The following SNAPC2 variants were observed in gnomAD, a reference collection of about 807,000 sequenced individuals.
The protein encoded by SNAPC2 is small nuclear RNA activating complex polypeptide 2.
A neutral mutation model predicts 22.9 loss-of-function variants in SNAPC2; 27 were observed. That is an observed-to-expected ratio of 1.18 (90% confidence interval 0.87 to 1.63). SNAPC2 has a LOEUF of 1.63. Among genes scored for constraint, SNAPC2 ranks in the 40% most tolerant of loss-of-function variants. SNAPC2 has a pLI of 0.00. For missense variants in SNAPC2, 570 were observed against 449.1 expected (o/e 1.27, Z -2.43); for synonymous variants, 272 against 201.0 (o/e 1.35, Z -2.99).
At chr19:7,921,239 A>G (rs904229163) in intron 1 of SNAPC2, 184 bp from the exon 2 acceptor site, 1 of 1,405,218 alleles carries the variant, frequency 7.1e-7, no homozygotes, top group Non-Finnish European at 9.4e-7. Context: ...CAACTTCCTT[A>G]GGTAGCTGGT....
At chr19:7,921,902 G>T (rs1021075533) in intron 3 of SNAPC2, 129 bp downstream of exon 3, 8 of 1,355,100 alleles carry the variant, frequency 5.9e-6, no homozygotes, top group African/African-American at 5.7e-5. Context: ...GACACCTCGA[G>T]CCTCAGTGTC....
intron 1 of SNAPC2, chr19:7,920,779 A>G (rs1302452056): frequency 2.9e-5 from 4 of 135,798 alleles, no homozygotes; most frequent in African/African-American, 4.9e-5. Flanking sequence ...TGGGAGCTAG[A>G]CGTGGGCGGG....
Position 7,922,100 on chromosome 19 carries a change from G to C in SNAPC2, c.438G>C (p.Gln146His). Reference sequence around the variant, plus strand: ...ACTCCAAGCCCCCCAAGCCCACGCAGGCCCGTGGAAAGCCTTTGCTCCTGA... The same window carrying C: ...ACTCCAAGCCCCCCAAGCCCACGCACGCCCGTGGAAAGCCTTTGCTCCTGA... ...LLHSKPPKPT[Q>H]ARGKPLLLSA... The change falls in exon 4 of 5, where the codon CAG becomes CAC. Residue 146 changes from glutamine to histidine, a missense_variant. By Grantham distance (24) the Gln-to-His change is conservative. Transcript: ENST00000221573. 1 of 1,613,930 alleles carries C rather than the reference G, an allele frequency of 6.2e-7. No homozygotes were observed. The highest frequency in any genetic ancestry group is 8.5e-7 in the Non-Finnish European group (1 of 1,179,944).
At chr19:7,921,375 A>G in intron 1 of SNAPC2, 48 bp from the exon 2 acceptor site, 1 of 1,613,150 alleles carries the variant, frequency 6.2e-7, no homozygotes, top group South Asian at 1.1e-5. Context: ...TCTCTGCTGC[A>G]GCCCTGAGCT....
Position 7,922,429 on chromosome 19 carries a change from C to T in SNAPC2, c.686-16C>T. On this transcript the variant is annotated splice_polypyrimidine_tract_variant and intron_variant, in intron 4 of 4. Coordinates refer to ENST00000221573, the MANE Select transcript of SNAPC2 (RefSeq NM_003083.4). ...GCAGGGGTGTCCCCTTACCCCTCTC[C>T]TCCATCCATCACTAGAGTCCGCTGT... 1.9e-6 allele frequency: 3 copies of T among 1,581,760 alleles called. No individual in the cohort carries two copies. The highest frequency in any genetic ancestry group is 1.7e-4 in the Middle Eastern group (1 of 5,878).
intron 1 of SNAPC2, 74 bp downstream of exon 1, chr19:7,920,623 C>T: frequency 2.4e-6 from 1 of 417,522 alleles, no homozygotes; most frequent in Non-Finnish European, 3.4e-6. Context: ...GGCGGGGCTG[C>T]GGCAGGAGCC....
rs370414983 is a variant in SNAPC2 at position 7,922,804 on chromosome 19, C to T, written c.*40C>T. On this transcript the variant is annotated 3_prime_UTR_variant, in exon 5 of 5. Transcript: ENST00000221573. ...AGGAGGCCACACCAGGCCCCCCGCC[C>T]TGCCCCTCGGTTCTGCTCGGCTGGC... 44 of 1,468,542 alleles carry T rather than the reference C, an allele frequency of 3.0e-5. No individual in the cohort carries two copies. Among genetic ancestry groups the T allele is most frequent in the Non-Finnish European group, 4.0e-5 (43 of 1,087,376 alleles). 91.0% of individuals were successfully genotyped at this position (1,468,542 alleles called of 1,614,324 possible).
chr19:7,921,401 C>T (rs1568288694), intron 1 of SNAPC2, 22 bp from the exon 2 acceptor site: 1 of 1,613,732 alleles, frequency 6.2e-7, no homozygotes, highest in East Asian at 2.2e-5. Context: ...AAGCCTCATT[C>T]CGCCGCCTCT....
At chr19:7,920,769 T>G in intron 1 of SNAPC2, 3 of 88,256 alleles carry the variant, frequency 3.4e-5, no homozygotes, top group Admixed American at 2.8e-4. Flanking sequence ...GGGGCGAGCT[T>G]GGGAGCTAGA....
Position 7,922,304 on chromosome 19 carries a change from C to G in SNAPC2, c.642C>G (p.Ser214=). 1 of 1,613,880 alleles carries G rather than the reference C, an allele frequency of 6.2e-7. No homozygotes were observed. The highest frequency in any genetic ancestry group is 8.5e-7 in the Non-Finnish European group (1 of 1,179,978). The part of the protein sequence containing the change: ...VDFEKIYKYL[S]SVSRSGRSPE... Reference sequence around the variant, plus strand: ...TTGAGAAGATCTACAAGTACTTGTCCTCTGTCTCCCGAAGTGGCCGCAGCC... The same window carrying G: ...TTGAGAAGATCTACAAGTACTTGTCGTCTGTCTCCCGAAGTGGCCGCAGCC... Residue 214 remains serine (S), a synonymous_variant, in exon 4 of 5, where the codon TCC becomes TCG. Transcript: ENST00000221573.
rs61423237 is a variant in SNAPC2 at position 7,922,932 on chromosome 19, A to G, written c.*168A>G. ...GCCCCATACTTTGGGGGTCTCAGAA[A>G]TGGAACCCCCGTTGTACAGGGGTTG... On this transcript the variant is annotated 3_prime_UTR_variant, in exon 5 of 5. Transcript: ENST00000221573. 212 of 577,318 alleles carry G rather than the reference A, an allele frequency of 3.7e-4. No homozygotes were observed. Among genetic ancestry groups the G allele is most frequent in the African/African-American group, 2.8e-3 (151 of 53,134 alleles). The allele number at this position is 577,318 out of a possible 1,614,324, so 35.8% of individuals were successfully genotyped here.
Position 7,921,467 on chromosome 19 carries a change from G to T in SNAPC2, c.228G>T (p.Glu76Asp), listed in dbSNP as rs1983569268. 6.2e-7 allele frequency: 1 copy of T among 1,613,776 alleles called. No homozygotes were observed. The highest frequency in any genetic ancestry group is 1.3e-5 in the African/African-American group (1 of 74,914). The change falls in exon 2 of 5, where the codon GAG becomes GAT. Residue 76 changes from glutamate (E) to aspartate (D), a missense_variant. Physicochemically the swap from Glu to Asp is conservative, Grantham distance 45. Transcript: ENST00000221573. ...LQQLKGRVAR[E>D]AIQKVHPGGL... Reference sequence around the variant, plus strand: ...AGCTCAAGGGCCGCGTAGCCCGGGAGGCCATTCAGAAAGTGCATCCGGGTG... The same window carrying T: ...AGCTCAAGGGCCGCGTAGCCCGGGATGCCATTCAGAAAGTGCATCCGGGTG...
intron 1 of SNAPC2, 87 bp downstream of exon 1, chr19:7,920,636 C>T (rs1267567165): frequency 1.1e-4 from 24 of 221,894 alleles, no homozygotes; most frequent in Non-Finnish European, 1.3e-4. Flanking sequence ...CAGGAGCCAG[C>T]GGGGCGGGGC....
In SNAPC2 at chr19:7,922,786, CA is replaced by C. The variant is rs1983632244; in HGVS notation, c.*23del. 1 of 1,532,374 alleles carries C rather than the reference CA, an allele frequency of 6.5e-7. No individual in the cohort carries two copies. The highest frequency in any genetic ancestry group is 8.8e-7 in the Non-Finnish European group (1 of 1,133,338). 94.9% of individuals were successfully genotyped at this position (1,532,374 alleles called of 1,614,324 possible). ...GTGAGGGGCATGGCGGGCAGGAGGC[CA>C]CACCAGGCCCCCCGCCCTGCCCCTC... is the stretch of plus-strand genomic sequence containing the variant. On this transcript the variant is annotated 3_prime_UTR_variant, in exon 5 of 5. Coordinates refer to ENST00000221573, the MANE Select transcript of SNAPC2 (RefSeq NM_003083.4).
intron 1 of SNAPC2, 67 bp downstream of exon 1, chr19:7,920,616 G>C: frequency 1.6e-5 from 13 of 832,326 alleles, no homozygotes; most frequent in Non-Finnish European, 2.1e-5. Context: ...GAGAGTGGGC[G>C]GGGCTGCGGC....
chr19:7,922,470 C>T lies in SNAPC2; in HGVS notation c.711C>T (p.Leu237=). 6.3e-7 allele frequency: 1 copy of T among 1,597,520 alleles called. No individual in the cohort carries two copies. Among genetic ancestry groups the T allele is most frequent in the Middle Eastern group, 1.7e-4 (1 of 5,968 alleles). ...AGTCCGCTGTGGTCCTCGACCTGCT[C>T]ATGTCACTTCCAGAGGAGCTGCCAC... ...AAESAVVLDL[L]MSLPEELPLL... The change falls in exon 5 of 5, where the codon CTC becomes CTT. Residue 237 remains leucine, a synonymous_variant. Transcript: ENST00000221573.
intron 1 of SNAPC2, 62 bp downstream of exon 1, chr19:7,920,611 T>C (rs1203529001): frequency 1.1e-5 from 1 of 94,584 alleles, no homozygotes; most frequent in African/African-American, 1.3e-4. Context: ...GGGCGGAGAG[T>C]GGGCGGGGCT....
In SNAPC2 at chr19:7,921,425, C is replaced by G. The variant is rs1192422081; in HGVS notation, c.186C>G (p.Ile62Met). 1.2e-6 allele frequency: 2 copies of G among 1,613,852 alleles called. No homozygotes were observed. Among genetic ancestry groups the G allele is most frequent in the Non-Finnish European group, 1.7e-6 (2 of 1,179,830 alleles). ...RELRGRSEAEIRVFLQQLKGR... is the reference protein window; with the variant it reads ...RELRGRSEAEMRVFLQQLKGR... ...TCCGCCGCCTCTTTCCTTTCTAGAT[C>G]CGGGTCTTCCTCCAGCAGCTCAAGG... Residue 62 changes from isoleucine (I) to methionine (M), a missense_variant and splice_region_variant, in exon 2 of 5, where the codon ATC (isoleucine) becomes ATG (methionine). By Grantham distance (10) the Ile-to-Met change is conservative. Coordinates refer to ENST00000221573, the MANE Select transcript of SNAPC2 (RefSeq NM_003083.4).
chr19:7,920,633 C>T (rs2145160854), intron 1 of SNAPC2, 84 bp downstream of exon 1: 2 of 710,952 alleles, frequency 2.8e-6, no homozygotes, highest in East Asian at 3.5e-5. Context: ...CGGCAGGAGC[C>T]AGCGGGGCGG....
Sources: allele counts gnomAD v4.1 joint callset, GRCh38; gene constraint gnomAD v4.1.1; transcripts MANE v1.5; gene names NCBI Gene and HGNC (gene_info 2026-07-23, HGNC 2026-07-21).